The following RASA3 variants were observed in gnomAD, a reference collection of about 807,000 sequenced individuals.
RASA3 encodes the protein ras GTPase-activating protein 3.
Under a neutral mutation model 110.0 loss-of-function variants are expected in RASA3, and 73 were observed. The ratio of observed to expected loss-of-function variants is 0.66; its 90% CI spans 0.55 to 0.81. The LOEUF (loss-of-function observed/expected upper bound fraction) is 0.81. RASA3 is among the 30% of genes least tolerant of loss of function. The probability of loss-of-function intolerance (pLI) is 0.00; values close to 1 mark genes in which losing one functional copy is unlikely to be tolerated. For synonymous variants in RASA3, 500 were observed against 451.4 expected (o/e 1.11, Z -1.37); for missense variants, 976 against 1,113.2 (o/e 0.88, Z 1.75).
At chr13:114,129,114 G>A (rs1027679799) in intron 1 of RASA3, among the ~76,000 whole-genome samples, 3 of 152,258 alleles carry the variant, frequency 2.0e-5, no homozygotes, top group East Asian at 1.9e-4. Context: ...CGCCGTGGCC[G>A]TGGCGGAAGT....
intron 1 of RASA3, among the ~76,000 whole-genome samples, chr13:114,126,796 C>T (rs916111269): frequency 6.6e-6 from 1 of 152,062 alleles, no homozygotes; most frequent in African/African-American, 2.4e-5. Flanking sequence ...AAAAGAAGGC[C>T]TTGGCCTCCA....
At chr13:114,103,283 C>T (rs1273883141) in intron 1 of RASA3, among the ~76,000 whole-genome samples, 1 of 152,142 alleles carries the variant, frequency 6.6e-6, no homozygotes. Flanking sequence ...CACAGCCAGC[C>T]TCAGCACAGT....
chr13:114,057,495 C>T lies in RASA3; in HGVS notation c.174-5340G>A, dbSNP rs528777105. 441 of 985,344 alleles carry T rather than the reference C, an allele frequency of 4.5e-4. 1 individual carries two copies. Among genetic ancestry groups the T allele is most frequent in the Non-Finnish European group, 5.0e-4 (416 of 829,906 alleles). 61.0% of individuals were successfully genotyped at this position (985,344 alleles called of 1,614,324 possible). A position where few individuals can be genotyped will look rare whatever the true frequency, so the allele number is the denominator to read the frequency against. The stretch of plus-strand genomic sequence containing the variant: ...AGTCTCTGTGCCAGAATAGAGGGTT[C>T]GTTCAGCTTCTTAGACCGATGATTT... On this transcript the variant is annotated intron_variant, in intron 2 of 23. Transcript: ENST00000334062. The surrounding 1 kb of genome is among the most constrained non-coding windows in gnomAD (Gnocchi z 5.0).
At chr13:114,079,895 C>T (rs2079753874) in intron 1 of RASA3, among the ~76,000 whole-genome samples, 2 of 149,872 alleles carry the variant, frequency 1.3e-5, no homozygotes, top group South Asian at 4.3e-4. Flanking sequence ...GACTGCGGTG[C>T]AGAGGCCATA....
chr13:114,069,074 A>C (rs993835554), intron 2 of RASA3, among the ~76,000 whole-genome samples: 1 of 152,154 alleles, frequency 6.6e-6, no homozygotes, highest in African/African-American at 2.4e-5. Context: ...CGCAGGGAGG[A>C]GGCGTGGGGG....
At chr13:114,039,156 G>A (rs939509870) in intron 4 of RASA3, among the ~76,000 whole-genome samples, 1 of 152,226 alleles carries the variant, frequency 6.6e-6, no homozygotes, top group Non-Finnish European at 1.5e-5. Context: ...GACACACACT[G>A]TGGTACCAGC....
intron 11 of RASA3, 24 bp downstream of exon 11, chr13:114,018,080 C>G: frequency 1.3e-6 from 2 of 1,496,826 alleles, no homozygotes; most frequent in Non-Finnish European, 1.8e-6. Context: ...GGCCGCTCTC[C>G]CCCGGGGCAG....
intron 1 of RASA3, among the ~76,000 whole-genome samples, chr13:114,113,110 T>C (rs577719397): frequency 6.6e-4 from 100 of 152,314 alleles, no homozygotes; most frequent in Admixed American, 2.3e-3. Flanking sequence ...TGCTCGGCCA[T>C]AAGCCACATG....
intron 20 of RASA3, 122 bp from the exon 21 acceptor site, chr13:113,996,861 A>G (rs2053269169): frequency 3.6e-6 from 3 of 833,370 alleles, no homozygotes; most frequent in Non-Finnish European, 5.8e-6. Context: ...GAGGGTGCAC[A>G]GGCCCAAAAG....
intron 1 of RASA3, among the ~76,000 whole-genome samples, chr13:114,091,654 C>G (rs902320401): frequency 3.3e-5 from 5 of 151,570 alleles, no homozygotes; most frequent in Non-Finnish European, 5.9e-5. Context: ...TCATCAGAGA[C>G]ATTGGCCTTT....
Position 114,132,511 on chromosome 13 carries a change from A to G in RASA3, c.-22T>C. 6.8e-7 allele frequency: 1 copy of G among 1,476,850 alleles called. No individual in the cohort carries two copies. Among genetic ancestry groups the G allele is most frequent in the South Asian group, 1.3e-5 (1 of 78,060 alleles). The allele number at this position is 1,476,850 out of a possible 1,614,324, so 91.5% of individuals were successfully genotyped here. On this transcript the variant is annotated 5_prime_UTR_variant, in exon 1 of 24. Coordinates refer to ENST00000334062, the MANE Select transcript of RASA3 (RefSeq NM_007368.4). Reference sequence around the variant, plus strand: ...CCATGCTGCGCGTCCGCGCCCGCCGAGCCTCGCCCCAAGCGCGCGCCGAGC... The same window carrying G: ...CCATGCTGCGCGTCCGCGCCCGCCGGGCCTCGCCCCAAGCGCGCGCCGAGC...
intron 1 of RASA3, among the ~76,000 whole-genome samples, chr13:114,131,026 G>A (rs1255817393): frequency 1.3e-5 from 2 of 152,238 alleles, no homozygotes; most frequent in African/African-American, 4.8e-5. Flanking sequence ...AGTGACAGCG[G>A]ATTTAAACCA....
At chr13:114,010,889 A>G (rs1371597187) in intron 16 of RASA3, among the ~76,000 whole-genome samples, 1 of 123,482 alleles carries the variant, frequency 8.1e-6, no homozygotes, top group East Asian at 2.8e-4. Context: ...TGGCCTGTTC[A>G]GCCGCTTCCC....
chr13:114,045,005 A>G (rs1391633377), intron 3 of RASA3, among the ~76,000 whole-genome samples: 1 of 152,156 alleles, frequency 6.6e-6, no homozygotes, highest in East Asian at 1.9e-4. Context: ...CAACATTCAA[A>G]AGGATTTAAA....
At chr13:114,088,330 G>C (rs2079846975) in intron 1 of RASA3, among the ~76,000 whole-genome samples, 1 of 152,072 alleles carries the variant, frequency 6.6e-6, no homozygotes, top group Non-Finnish European at 1.5e-5. Flanking sequence ...CCACAGTTCT[G>C]CTCACTCTCA....
chr13:114,031,322 CCTGTCTGTGTGT>C (rs1346997410), intron 4 of RASA3, among the ~76,000 whole-genome samples: 1 of 149,898 alleles, frequency 6.7e-6, no homozygotes, highest in Non-Finnish European at 1.5e-5. Context: ...TGTGCATCTG[CCTGTCTGTGTGT>C]TTGGCTGTGT....
At chr13:114,077,863 C>T (rs561699595) in intron 1 of RASA3, 30 of 984,398 alleles carry the variant, frequency 3.0e-5, no homozygotes, top group South Asian at 2.8e-4. Context: ...TCTACTTTTG[C>T]TATGATGCAT....
intron 1 of RASA3, among the ~76,000 whole-genome samples, chr13:114,088,978 A>C (rs977276210): frequency 5.3e-5 from 8 of 152,262 alleles, no homozygotes; most frequent in Admixed American, 1.3e-4. Context: ...TCCACCATAT[A>C]TGAAGTTCAT....
intron 21 of RASA3, among the ~76,000 whole-genome samples, chr13:113,993,129 T>C (rs1327726839): frequency 1.3e-5 from 2 of 152,180 alleles, no homozygotes; most frequent in Admixed American, 6.5e-5. Flanking sequence ...GGTTTATTCC[T>C]TCAGTCATTT....
Sources: allele counts gnomAD v4.1 joint callset (sites outside exome capture counted in the v4.1 genomes callset), GRCh38; gene constraint gnomAD v4.1.1; non-coding constraint Gnocchi (gnomAD v3.1); transcripts MANE v1.5; gene names NCBI Gene and HGNC (gene_info 2026-07-23, HGNC 2026-07-21).